WDR72: variants seen among roughly 807,000 people sequenced by gnomAD.
WDR72 encodes the protein WD repeat-containing protein 72.
In WDR72, 120 loss-of-function variants were observed where a neutral mutation model predicts 124.2. The ratio of observed to expected loss-of-function variants is 0.97; its 90% CI spans 0.83 to 1.12. The LOEUF (loss-of-function observed/expected upper bound fraction) is 1.12, where lower values mean the gene tolerates loss of function less well. WDR72 is among the 50% of genes most tolerant of loss of function. The pLI is 0.00. For missense variants in WDR72, 1,387 were observed against 1,278.8 expected (o/e 1.08, Z -1.29); for synonymous variants, 452 against 441.7 (o/e 1.02, Z -0.29).
rs17729887 is a variant in WDR72, at chr15:53,569,483, T to C, written c.3148+27596A>G. Among the ~76,000 whole-genome samples the C allele has an allele frequency of 7.5e-3, 1,145 of 152,130 alleles. 9 individuals carry two copies. Among genetic ancestry groups the C allele is most frequent in the East Asian group, 0.037 (191 of 5,142 alleles). On this transcript the variant is annotated intron_variant, in intron 18 of 19. Coordinates refer to ENST00000360509, the MANE Select transcript of WDR72 (RefSeq NM_182758.4). ...CGTGTCTATCAGCTAAAATACAGTA[T>C]TGAATACAGAGATAAGATTGAAACC...
At chr15:53,685,269 T>C (rs368526722) in intron 13 of WDR72, among the ~76,000 whole-genome samples, 10 of 142,542 alleles carry the variant, frequency 7.0e-5, no homozygotes, top group East Asian at 6.3e-4. Flanking sequence ...CTCTGAGCTA[T>C]GGGAGGACAT....
chr15:53,701,559 T>A (rs5023312), intron 12 of WDR72, among the ~76,000 whole-genome samples: 131 of 120,158 alleles, frequency 1.1e-3, no homozygotes, highest in Middle Eastern at 4.3e-3. Flanking sequence ...TCTCTCTCTC[T>A]CACACACACA....
intron 2 of WDR72, among the ~76,000 whole-genome samples, chr15:53,725,795 G>A (rs2018006438): frequency 6.6e-6 from 1 of 152,126 alleles, no homozygotes; most frequent in Non-Finnish European, 1.5e-5. Context: ...GGTTTGTGGG[G>A]AGCAGGAGAT....
intron 14 of WDR72, among the ~76,000 whole-genome samples, chr15:53,627,800 T>A (rs2014270154): frequency 6.6e-6 from 1 of 152,190 alleles, no homozygotes; most frequent in Admixed American, 6.5e-5. Flanking sequence ...TTTAAAAAAT[T>A]AGTGCCTAAT....
chr15:53,546,233 T>G (rs1247087802), intron 18 of WDR72, among the ~76,000 whole-genome samples: 1 of 151,612 alleles, frequency 6.6e-6, no homozygotes, highest in East Asian at 1.9e-4. Flanking sequence ...ATTGCGGCAT[T>G]ATTCACAATA....
intron 18 of WDR72, among the ~76,000 whole-genome samples, chr15:53,532,644 T>G (rs1892545688): frequency 6.6e-6 from 1 of 152,036 alleles, no homozygotes; most frequent in South Asian, 2.1e-4. Context: ...AGAAGGTTAG[T>G]GGGAAGCGGG....
At chr15:53,718,153 A>G (rs2017766178) in intron 3 of WDR72, among the ~76,000 whole-genome samples, 1 of 149,114 alleles carries the variant, frequency 6.7e-6, no homozygotes, top group African/African-American at 2.6e-5. Flanking sequence ...TACTATTCCA[A>G]ATATTATCTC....
intron 18 of WDR72, among the ~76,000 whole-genome samples, chr15:53,554,670 A>T (rs1311154483): frequency 6.6e-6 from 1 of 152,116 alleles, no homozygotes; most frequent in African/African-American, 2.4e-5. Flanking sequence ...TGCTACATAG[A>T]TATACATCAG....
intron 13 of WDR72, among the ~76,000 whole-genome samples, chr15:53,686,606 A>C (rs1240451614): frequency 1.3e-5 from 2 of 151,134 alleles, no homozygotes; most frequent in African/African-American, 4.9e-5. Context: ...CCACACATTA[A>C]TAATGGGAGA....
chr15:53,710,794 G>T (rs936535650), intron 9 of WDR72, 63 bp downstream of exon 9: 25 of 1,328,170 alleles, frequency 1.9e-5, no homozygotes, highest in South Asian at 3.5e-5. Flanking sequence ...GACAGACAAA[G>T]CAACACTTAT....
chr15:53,711,260 G>C (rs763527164), intron 8 of WDR72, 76 bp downstream of exon 8: 1 of 1,602,550 alleles, frequency 6.2e-7, no homozygotes, highest in East Asian at 2.2e-5. Flanking sequence ...CAGCATGCAG[G>C]GATTTTTCCA....
chr15:53,543,126 G>C (rs1161165414), intron 18 of WDR72, among the ~76,000 whole-genome samples: 3 of 138,740 alleles, frequency 2.2e-5, no homozygotes, highest in Non-Finnish European at 3.1e-5. Flanking sequence ...ATTGAACTCA[G>C]CTCTGCACCA....
At chr15:53,751,259 A>G (rs2018767344) in intron 1 of WDR72, among the ~76,000 whole-genome samples, 1 of 151,632 alleles carries the variant, frequency 6.6e-6, no homozygotes, top group Admixed American at 6.6e-5. Flanking sequence ...AAAAGCTTTC[A>G]CAAAAGGAAG....
rs757834276 is a variant in WDR72 at position 53,616,147 on chromosome 15, C to G, written c.2059G>C (p.Glu687Gln). 14 of 1,604,814 alleles carry G rather than the reference C, an allele frequency of 8.7e-6. No individual in the cohort carries two copies. Among genetic ancestry groups the G allele is most frequent in the Non-Finnish European group, 1.1e-5 (13 of 1,175,246 alleles). ...VGFHILLFDL[E>Q]NLVELLLPTP... ...GGTAGCAAAAGTTCAACAAGGTTTT[C>G]CAGATCAAATAGAAGAATATGAAAG... The change falls in exon 15 of 20, where the codon GAA (glutamate) becomes CAA (glutamine). Residue 687 changes from glutamate (E) to glutamine (Q), a missense_variant. Glu to Gln is a conservative substitution (Grantham distance 29). Transcript: ENST00000360509.
intron 18 of WDR72, among the ~76,000 whole-genome samples, chr15:53,541,793 C>T (rs1296491853): frequency 1.8e-5 from 2 of 109,294 alleles, no homozygotes; most frequent in Non-Finnish European, 3.8e-5. Flanking sequence ...CAGAGAAGTG[C>T]TTAAAGGAGC....
chr15:53,731,228 T>C (rs922706973), intron 2 of WDR72, among the ~76,000 whole-genome samples: 2 of 151,980 alleles, frequency 1.3e-5, no homozygotes, highest in Admixed American at 1.3e-4. Context: ...AGGCCCGTCT[T>C]CCCCTCTGGC....
upstream of WDR72, among the ~76,000 whole-genome samples, chr15:53,760,108 C>A (rs938440784): frequency 6.0e-5 from 9 of 150,514 alleles, no homozygotes; most frequent in African/African-American, 2.2e-4. Flanking sequence ...ACAAACAATG[C>A]GTAATAATTA....
At chr15:53,571,650 A>T (rs962317831) in intron 18 of WDR72, among the ~76,000 whole-genome samples, 1 of 152,098 alleles carries the variant, frequency 6.6e-6, no homozygotes, top group Admixed American at 6.6e-5. Context: ...ATATCTTGGC[A>T]ATTGTGAACA....
At chr15:53,586,607 C>T (rs1352104063) in intron 18 of WDR72, among the ~76,000 whole-genome samples, 2 of 151,826 alleles carry the variant, frequency 1.3e-5, no homozygotes, top group African/African-American at 2.4e-5. Flanking sequence ...CTTTGATGAC[C>T]TTTTTAGGCA....
Sources: allele counts gnomAD v4.1 joint callset (sites outside exome capture counted in the v4.1 genomes callset), GRCh38; gene constraint gnomAD v4.1.1; transcripts MANE v1.5; gene names NCBI Gene and HGNC (gene_info 2026-07-23, HGNC 2026-07-21).